TM9SF2: variants seen among roughly 807,000 people sequenced by gnomAD.
TM9SF2 encodes 76 kDa membrane protein.
A neutral mutation model predicts 84.9 loss-of-function variants in TM9SF2; 13 were observed. The ratio of observed to expected loss-of-function variants is 0.15; its 90% CI spans 0.10 to 0.24. The LOEUF (loss-of-function observed/expected upper bound fraction) is 0.24. TM9SF2 is among the 10% of genes least tolerant of loss of function. The pLI is 1.00. For synonymous variants in TM9SF2, 273 were observed against 285.8 expected (o/e 0.96, Z 0.45); for missense variants, 562 against 818.5 (o/e 0.69, Z 3.82).
chr13:99,503,533 A>T (rs2139065144), intron 1 of TM9SF2, among the ~76,000 whole-genome samples: 1 of 152,130 alleles, frequency 6.6e-6, no homozygotes, highest in Non-Finnish European at 1.5e-5. Flanking sequence ...ATATGGTGAA[A>T]CCGCGTCTCT....
At chr13:99,560,883 A>C (rs1396995349) in intron 16 of TM9SF2, among the ~76,000 whole-genome samples, 1 of 151,936 alleles carries the variant, frequency 6.6e-6, no homozygotes, top group Non-Finnish European at 1.5e-5. Context: ...GGGTTTCACC[A>C]TGTTAGCCAG....
Position 99,552,882 on chromosome 13 carries a change from C to A in TM9SF2, c.1488+556C>A, listed in dbSNP as rs2046311746. On this transcript the variant is annotated intron_variant, in intron 13 of 16. Coordinates refer to ENST00000376387, the MANE Select transcript of TM9SF2 (RefSeq NM_004800.3). ...GCCTCCCAAAGTGCACAAAGCTTAG[C>A]TAAGTAAGCAGAGAAGAAGTCACTG... is the stretch of plus-strand genomic sequence containing the variant. Among the ~76,000 whole-genome samples, 3 of 152,254 alleles carry A rather than the reference C, an allele frequency of 2.0e-5. No individual in the cohort carries two copies. In the South Asian group the frequency reaches 6.2e-4, roughly 32 times the overall value.
At chr13:99,536,456 A>G (rs1214707691) in intron 4 of TM9SF2, 152 bp from the exon 5 acceptor site, 5 of 938,054 alleles carry the variant, frequency 5.3e-6, no homozygotes, top group Non-Finnish European at 6.3e-6. Flanking sequence ...TGCTTATGAA[A>G]TAGCACATTT....
At chr13:99,541,185 C>G (rs1294148870) in intron 8 of TM9SF2, among the ~76,000 whole-genome samples, 2 of 152,210 alleles carry the variant, frequency 1.3e-5, no homozygotes, top group African/African-American at 2.4e-5. Flanking sequence ...TTTCCTATTG[C>G]TGTCTGATCT....
At position 99,564,034 on chromosome 13, in the gene TM9SF2, G is replaced by T. The variant is rs1483437265; in HGVS notation, c.*1276G>T. 1 of 151,060 alleles carries T rather than the reference G, an allele frequency of 6.6e-6. No homozygotes were observed. Among genetic ancestry groups the T allele is most frequent in the Non-Finnish European group, 1.5e-5 (1 of 67,894 alleles). 9.4% of individuals were successfully genotyped at this position (151,060 alleles called of 1,614,324 possible). On this transcript the variant is annotated 3_prime_UTR_variant, in exon 17 of 17. Transcript: ENST00000376387. Reference sequence around the variant, plus strand: ...AGCTGTCACTTATATGATATTGCTGGGTTCTTACTGAATAATTTTTTTTTT... The same window carrying T: ...AGCTGTCACTTATATGATATTGCTGTGTTCTTACTGAATAATTTTTTTTTT...
In TM9SF2 at chr13:99,563,902, G is replaced by A. The variant is rs956698965; in HGVS notation, c.*1144G>A. Reference sequence around the variant, plus strand: ...GAATGGGGGGTGATTCTGAAGTATCGGTCTGCTTGTATCTGTGAGCATATT... The same window carrying A: ...GAATGGGGGGTGATTCTGAAGTATCAGTCTGCTTGTATCTGTGAGCATATT... On this transcript the variant is annotated 3_prime_UTR_variant, in exon 17 of 17. Coordinates refer to ENST00000376387, the MANE Select transcript of TM9SF2 (RefSeq NM_004800.3). The A allele has an allele frequency of 2.0e-5, 3 of 152,088 alleles. No homozygotes were observed. Among genetic ancestry groups the A allele is most frequent in the African/African-American group, 7.2e-5 (3 of 41,398 alleles). The allele number at this position is 152,088 out of a possible 1,614,324, so 9.4% of individuals were successfully genotyped here.
intron 3 of TM9SF2, among the ~76,000 whole-genome samples, chr13:99,524,869 T>G (rs1435729662): frequency 6.6e-6 from 1 of 151,684 alleles, no homozygotes; most frequent in Non-Finnish European, 1.5e-5. Flanking sequence ...TTGGGGCACC[T>G]GGTTTTATAG....
At chr13:99,510,375 A>G (rs767898170) in intron 1 of TM9SF2, among the ~76,000 whole-genome samples, 14 of 152,004 alleles carry the variant, frequency 9.2e-5, no homozygotes, top group Non-Finnish European at 1.9e-4. Context: ...CTCGGCACCA[A>G]TTTTCTTTGT....
At chr13:99,546,930 A>G in intron 10 of TM9SF2, 55 bp from the exon 11 acceptor site, 1 of 1,601,744 alleles carries the variant, frequency 6.2e-7, no homozygotes, top group Non-Finnish European at 8.5e-7. Context: ...CTATCATTTC[A>G]CAGCAAAGGA....
chr13:99,520,136 A>C lies in TM9SF2; in HGVS notation c.333+7A>C, dbSNP rs750528036. 5 of 1,596,910 alleles carry C rather than the reference A, an allele frequency of 3.1e-6. No individual in the cohort carries two copies. The highest frequency in any genetic ancestry group is 4.3e-6 in the Non-Finnish European group (5 of 1,171,910). ...TGAACCTTCACCATATAAGGTTTGTATTTAGTGTTACATAATAATTATTTA... is the reference window on the plus strand; with the variant it reads ...TGAACCTTCACCATATAAGGTTTGTCTTTAGTGTTACATAATAATTATTTA... On this transcript the variant is annotated splice_region_variant and intron_variant, in intron 3 of 16. Transcript: ENST00000376387.
chr13:99,552,904 A>G (rs994137584), intron 13 of TM9SF2, among the ~76,000 whole-genome samples: 1 of 152,248 alleles, frequency 6.6e-6, no homozygotes, highest in Non-Finnish European at 1.5e-5. Flanking sequence ...AGAAGAAGTC[A>G]CTGTAAGAAA....
chr13:99,507,370 T>C (rs1015222087), intron 1 of TM9SF2, among the ~76,000 whole-genome samples: 1 of 152,224 alleles, frequency 6.6e-6, no homozygotes, highest in Non-Finnish European at 1.5e-5. Context: ...ATTTTCATTT[T>C]ATTTTATTTT....
At chr13:99,541,816 C>T (rs2046260924) in intron 9 of TM9SF2, 149 bp downstream of exon 9, 1 of 512,802 alleles carries the variant, frequency 2.0e-6, no homozygotes, top group East Asian at 3.7e-5. Flanking sequence ...CAAAAGTTAT[C>T]TTGAATTCAC....
intron 3 of TM9SF2, among the ~76,000 whole-genome samples, chr13:99,527,198 T>G (rs2046187383): frequency 6.6e-6 from 1 of 152,080 alleles, no homozygotes; most frequent in Non-Finnish European, 1.5e-5. Context: ...GTGACTAATA[T>G]TCAGAGGGTA....
chr13:99,531,982 C>T (rs1052393110), intron 4 of TM9SF2, among the ~76,000 whole-genome samples: 1 of 151,820 alleles, frequency 6.6e-6, no homozygotes, highest in Non-Finnish European at 1.5e-5. Flanking sequence ...TATCCACCTG[C>T]GTTTACTGCA....
At chr13:99,526,075 G>A (rs1179570150) in intron 3 of TM9SF2, among the ~76,000 whole-genome samples, 1 of 152,208 alleles carries the variant, frequency 6.6e-6, no homozygotes, top group Non-Finnish European at 1.5e-5. Flanking sequence ...GCATGATGCT[G>A]GGAGGTAAAT....
intron 1 of TM9SF2, among the ~76,000 whole-genome samples, chr13:99,503,608 C>G (rs2046076014): frequency 6.7e-6 from 1 of 149,976 alleles, no homozygotes. Context: ...ACTCGGGAGG[C>G]TGAGGCAGGA....
chr13:99,517,527 A>G, intron 1 of TM9SF2, 87 bp from the exon 2 acceptor site: 11 of 790,220 alleles, frequency 1.4e-5, no homozygotes, highest in Admixed American at 3.1e-5. Flanking sequence ...CATTTCAGAC[A>G]TGTCAAATTC....
At chr13:99,517,248 G>A (rs909030690) in intron 1 of TM9SF2, among the ~76,000 whole-genome samples, 1 of 151,988 alleles carries the variant, frequency 6.6e-6, no homozygotes, top group Non-Finnish European at 1.5e-5. Context: ...CAAGTAGCTA[G>A]GAATACAGGC....
Sources: gnomAD v4.1 joint callset for allele counts (sites outside exome capture counted in the v4.1 genomes callset) on GRCh38, gnomAD v4.1.1 for gene constraint, MANE v1.5 for transcripts, NCBI Gene and HGNC (gene_info 2026-07-23, HGNC 2026-07-21) for gene names.